Variants in RELN observed in about 807,000 individuals in gnomAD.
The protein encoded by RELN is reelin.
Under a neutral mutation model 427.6 loss-of-function variants are expected in RELN, and 108 were observed. That is an observed-to-expected ratio of 0.25 (90% CI 0.22 to 0.30). The LOEUF (loss-of-function observed/expected upper bound fraction) is 0.30. RELN is among the 10% of genes least tolerant of loss of function. The pLI is 1.00. For missense variants in RELN, 3,715 were observed against 4,302.8 expected (o/e 0.86, Z 3.82); for synonymous variants, 1,524 against 1,513.4 (o/e 1.01, Z -0.16).
At chr7:103,749,872 T>C (rs982474540) in intron 5 of RELN, among the ~76,000 whole-genome samples, 17 of 152,208 alleles carry the variant, frequency 1.1e-4, no homozygotes, top group African/African-American at 4.1e-4. Context: ...GAATTGTAGT[T>C]CCCATAATCC....
chr7:103,603,609 T>G lies in RELN; in HGVS notation c.3147-119A>C, dbSNP rs1044691995. On this transcript the variant is annotated intron_variant, in intron 23 of 64. Transcript: ENST00000428762. This position sits in a 1 kb window ranked among gnomAD's most constrained non-coding sequence, Gnocchi z 4.3. ...CTCAGGTCTTATCATTCACACTAGA[T>G]TCTTCCCTACAGTGTTAATCTGGGT... is the stretch of plus-strand genomic sequence containing the variant. 5 of 792,432 alleles carry G rather than the reference T, an allele frequency of 6.3e-6. No homozygotes were observed. The African/African-American group carries it at 6.8e-5, about 11-fold the overall frequency. 49.1% of individuals were successfully genotyped at this position (792,432 alleles called of 1,614,324 possible).
intron 6 of RELN, among the ~76,000 whole-genome samples, chr7:103,740,611 C>T (rs1790619980): frequency 6.6e-6 from 1 of 151,684 alleles, no homozygotes; most frequent in African/African-American, 2.4e-5. Flanking sequence ...TTTTATGTTC[C>T]TCATTTTTTA....
chr7:103,635,710 T>G, intron 18 of RELN, 124 bp from the exon 19 acceptor site: 1 of 765,306 alleles, frequency 1.3e-6, no homozygotes, highest in Non-Finnish European at 2.2e-6. Flanking sequence ...TGTTAAGTAA[T>G]TTCATTGTTA....
At chr7:103,485,914 A>AT (rs1562843523) in intron 61 of RELN, among the ~76,000 whole-genome samples, 1 of 152,170 alleles carries the variant, frequency 6.6e-6, no homozygotes, top group Non-Finnish European at 1.5e-5. Context: ...ATCCCTAACC[A>AT]TTTTTTAAAA....
In RELN at chr7:103,626,055, G is replaced by T. The variant is rs1422984322; in HGVS notation, c.2702+3885C>A. Among the ~76,000 whole-genome samples the T allele has an allele frequency of 6.6e-6, 1 of 152,014 alleles. No homozygotes were observed. Among genetic ancestry groups the T allele is most frequent in the Non-Finnish European group, 1.5e-5 (1 of 67,952 alleles). ...ATGGGATGAATGGGTAGAAATTCTG[G>T]GTGGAGCTAGAAGTCAGGGATGTTT... On this transcript the variant is annotated intron_variant, in intron 20 of 64. Transcript: ENST00000428762. The surrounding 1 kb of genome is among the most constrained non-coding windows in gnomAD (Gnocchi z 4.4).
At chr7:103,966,727 A>C (rs1397648449) in intron 1 of RELN, among the ~76,000 whole-genome samples, 1 of 152,230 alleles carries the variant, frequency 6.6e-6, no homozygotes. Flanking sequence ...TTTATTTTCC[A>C]AAAACAGATA....
In RELN at chr7:103,600,901, C is replaced by T. The variant is rs144360186; in HGVS notation, c.3333+2403G>A. Reference sequence around the variant, plus strand: ...AACACATATGATCTCTTTCTGTGTTCCCAACATTATTCTTTACTCTTTACT... The same window carrying T: ...AACACATATGATCTCTTTCTGTGTTTCCAACATTATTCTTTACTCTTTACT... On this transcript the variant is annotated intron_variant, in intron 24 of 64. Coordinates refer to ENST00000428762, the MANE Select transcript of RELN (RefSeq NM_005045.4). 7.4e-3 allele frequency among the ~76,000 whole-genome samples: 1,120 copies of T among 152,196 alleles called. 8 individuals are homozygous for T. Among genetic ancestry groups the T allele is most frequent in the Non-Finnish European group, 0.011 (743 of 68,000 alleles).
At chr7:103,744,758 T>C (rs1790770688) in intron 6 of RELN, among the ~76,000 whole-genome samples, 2 of 151,932 alleles carry the variant, frequency 1.3e-5, no homozygotes, top group Admixed American at 6.5e-5. Context: ...GGCTCTGAAA[T>C]TGAGGAAATA....
intron 64 of RELN, chr7:103,476,846 C>A (rs191759395): frequency 2.4e-5 from 5 of 209,826 alleles, no homozygotes; most frequent in African/African-American, 6.9e-5. Context: ...TGATGTACAG[C>A]TATAGATAAC....
At chr7:103,600,051 T>C (rs1183872505) in intron 24 of RELN, among the ~76,000 whole-genome samples, 1 of 120,268 alleles carries the variant, frequency 8.3e-6, no homozygotes, top group African/African-American at 2.9e-5. Flanking sequence ...CATGCCCCAC[T>C]ATGCCCAGCT....
intron 3 of RELN, among the ~76,000 whole-genome samples, chr7:103,818,840 T>A (rs1792946292): frequency 1.3e-5 from 2 of 151,834 alleles, no homozygotes; most frequent in African/African-American, 2.4e-5. Flanking sequence ...GAAAATAGAA[T>A]GTATAATAGA....
chr7:103,521,138 G>A (rs1274169290), intron 48 of RELN, among the ~76,000 whole-genome samples: 2 of 150,262 alleles, frequency 1.3e-5, no homozygotes, highest in African/African-American at 4.9e-5. Flanking sequence ...CACCGCGCCC[G>A]GCTAATTTTT....
chr7:103,919,154 T>TAG (rs1584366832), intron 1 of RELN, among the ~76,000 whole-genome samples: 4 of 140,390 alleles, frequency 2.8e-5, no homozygotes, highest in African/African-American at 1.2e-4. Flanking sequence ...TTTTTTTTTT[T>TAG]TTAGAAAGAG....
At chr7:103,941,981 C>G (rs1447717860) in intron 1 of RELN, among the ~76,000 whole-genome samples, 1 of 151,004 alleles carries the variant, frequency 6.6e-6, no homozygotes, top group Non-Finnish European at 1.5e-5. Flanking sequence ...TATGTAATTA[C>G]TAATATATTA....
chr7:103,822,957 C>T (rs890965238), intron 3 of RELN, among the ~76,000 whole-genome samples: 5 of 151,794 alleles, frequency 3.3e-5, no homozygotes, highest in African/African-American at 9.7e-5. Flanking sequence ...ATTACTTTGC[C>T]TAAATATTTT....
intron 41 of RELN, among the ~76,000 whole-genome samples, chr7:103,548,030 A>T (rs1269629172): frequency 6.6e-6 from 1 of 152,232 alleles, no homozygotes; most frequent in Non-Finnish European, 1.5e-5. Context: ...TTAAACATAA[A>T]CTTAAAATTT....
intron 11 of RELN, among the ~76,000 whole-genome samples, chr7:103,669,124 T>A (rs1387634936): frequency 6.6e-6 from 1 of 152,166 alleles, no homozygotes; most frequent in Non-Finnish European, 1.5e-5. Flanking sequence ...GTCTGACATA[T>A]CCATTTTTTT....
intron 1 of RELN, among the ~76,000 whole-genome samples, chr7:103,982,561 G>T (rs1477890626): frequency 6.6e-6 from 1 of 152,104 alleles, no homozygotes; most frequent in Non-Finnish European, 1.5e-5. Flanking sequence ...AAAGGAGAAA[G>T]GAAGAGGAGA....
chr7:103,646,518 T>C (rs1019627477), intron 16 of RELN, among the ~76,000 whole-genome samples: 2 of 151,958 alleles, frequency 1.3e-5, no homozygotes, highest in African/African-American at 4.8e-5. Flanking sequence ...CCAGAAAACC[T>C]AGAGAAAATG....
Sources: gnomAD v4.1 joint callset for allele counts (sites outside exome capture counted in the v4.1 genomes callset) on GRCh38, gnomAD v4.1.1 for gene constraint, Gnocchi (gnomAD v3.1) non-coding constraint, MANE v1.5 for transcripts, NCBI Gene and HGNC (gene_info 2026-07-23, HGNC 2026-07-21) for gene names.